SPHKAP: variants seen among roughly 807,000 people sequenced by gnomAD.
SPHKAP encodes SPHK1 interactor, AKAP domain containing, also known as A-kinase anchor protein SPHKAP.
Under a neutral mutation model 137.5 loss-of-function variants are expected in SPHKAP, and 67 were observed. The observed-to-expected ratio is 0.49, with a 90% CI of 0.40 to 0.60. The LOEUF (loss-of-function observed/expected upper bound fraction) is 0.60. Ranked by LOEUF, SPHKAP falls within the 20% of genes least tolerant of loss-of-function variation. The pLI, the probability that SPHKAP is intolerant of heterozygous loss-of-function variation, is 0.00. For missense variants in SPHKAP, 2,097 were observed against 2,069.3 expected (o/e 1.01, Z -0.26); for synonymous variants, 813 against 785.3 (o/e 1.04, Z -0.59).
At chr2:228,029,927 T>C (rs1426601303) in intron 3 of SPHKAP, among the ~76,000 whole-genome samples, 1 of 152,084 alleles carries the variant, frequency 6.6e-6, no homozygotes, top group Non-Finnish European at 1.5e-5. Flanking sequence ...AAAGCAGAGA[T>C]CAGAGAGCAA....
chr2:228,018,061 T>C lies in SPHKAP; in HGVS notation c.2793A>G (p.Glu931=). ...TGGAGACGACCGTGTCTGCTAATTCTTCCGCAAAGTCTGTAATGCAGTAGA... is the reference window on the plus strand; with the variant it reads ...TGGAGACGACCGTGTCTGCTAATTCCTCCGCAAAGTCTGTAATGCAGTAGA... ...PDIYCITDFA[E]ELADTVVSMA... is the part of the protein sequence containing the mutation. The change falls in exon 7 of 12, where the codon GAA becomes GAG. Residue 931 remains glutamate (E), a synonymous_variant. Transcript: ENST00000392056. 6.2e-7 allele frequency: 1 copy of C among 1,614,202 alleles called. No homozygotes were observed. Among genetic ancestry groups the C allele is most frequent in the Non-Finnish European group, 8.5e-7 (1 of 1,180,034 alleles).
chr2:228,023,754 T>C (rs1694926124), intron 5 of SPHKAP, among the ~76,000 whole-genome samples: 1 of 152,106 alleles, frequency 6.6e-6, no homozygotes, highest in Admixed American at 6.5e-5. Context: ...TATCAGTGAG[T>C]CAACCTCAGC....
chr2:228,079,133 T>TGAAACTG (rs1697278777), intron 3 of SPHKAP, among the ~76,000 whole-genome samples: 2 of 151,900 alleles, frequency 1.3e-5, no homozygotes, highest in African/African-American at 2.4e-5. Flanking sequence ...TGGGAAATGG[T>TGAAACTG]TTCAGGATGA....
At chr2:228,098,447 T>TTCA (rs1698070039) in intron 3 of SPHKAP, among the ~76,000 whole-genome samples, 1 of 152,088 alleles carries the variant, frequency 6.6e-6, no homozygotes. Context: ...AAATGATGAG[T>TTCA]TCATGTCCTT....
intron 2 of SPHKAP, among the ~76,000 whole-genome samples, chr2:228,110,527 C>A (rs1367789032): frequency 6.6e-6 from 1 of 152,166 alleles, no homozygotes; most frequent in Non-Finnish European, 1.5e-5. Flanking sequence ...AAATATTTTA[C>A]CTAAACTGGT....
rs1474826715 is a variant in SPHKAP, at chr2:228,109,040, T to G, written c.139-101A>C. 7.8e-6 allele frequency: 6 copies of G among 768,870 alleles called. No individual in the cohort carries two copies. The South Asian group carries it at 1.4e-4, about 18-fold the overall frequency. 47.6% of individuals were successfully genotyped at this position (768,870 alleles called of 1,614,324 possible). A position where few individuals can be genotyped will look rare whatever the true frequency, so the allele number is the denominator to read the frequency against. On this transcript the variant is annotated intron_variant, in intron 2 of 11. Transcript: ENST00000392056. ...TTTTTCTTATAAAAAAACCTGTAGG[T>G]GTTTTCTTTTCCTCAGAGCTTCTGG... is the stretch of plus-strand genomic sequence containing the variant.
At chr2:228,049,660 C>T (rs1219111784) in intron 3 of SPHKAP, among the ~76,000 whole-genome samples, 1 of 152,180 alleles carries the variant, frequency 6.6e-6, no homozygotes, top group Non-Finnish European at 1.5e-5. Context: ...CACCTCTCTT[C>T]CTGCTCTAGC....
chr2:228,073,496 A>T (rs1559158911), intron 3 of SPHKAP, among the ~76,000 whole-genome samples: 1 of 152,208 alleles, frequency 6.6e-6, no homozygotes, highest in Non-Finnish European at 1.5e-5. Context: ...ATTCTGCCAG[A>T]AGTATTAAGT....
intron 2 of SPHKAP, among the ~76,000 whole-genome samples, chr2:228,116,905 A>G (rs1376201255): frequency 2.0e-5 from 3 of 152,130 alleles, no homozygotes; most frequent in South Asian, 2.1e-4. Context: ...CAGCTCTACC[A>G]TATAGCCTTT....
chr2:228,113,565 TTTCAGC>T lies in SPHKAP; in HGVS notation c.139-4632_139-4627del, dbSNP rs1257311752. Reference sequence around the variant, plus strand: ...CCATTGAAATTATATAGCTTCTCATTTTCAGCTTCTACCAAATCCCAGTCTATGCAT... The same window carrying T: ...CCATTGAAATTATATAGCTTCTCATTTTCTACCAAATCCCAGTCTATGCAT... On this transcript the variant is annotated intron_variant, in intron 2 of 11. Coordinates refer to ENST00000392056, the MANE Select transcript of SPHKAP (RefSeq NM_001142644.2). 2.0e-5 allele frequency among the ~76,000 whole-genome samples: 3 copies of T among 150,336 alleles called. No individual in the cohort carries two copies. In the Admixed American group the frequency reaches 2.0e-4, roughly 10 times the overall value.
chr2:228,012,543 T>G (rs1694428996), intron 7 of SPHKAP, among the ~76,000 whole-genome samples: 1 of 152,232 alleles, frequency 6.6e-6, no homozygotes, highest in African/African-American at 2.4e-5. Context: ...TTTTTTATTT[T>G]TTCTCATCAC....
intron 3 of SPHKAP, among the ~76,000 whole-genome samples, chr2:228,030,513 C>CAAAAAAAAAAAAAAAAAAAAAACAAAAAA (rs11287311): frequency 1.6e-4 from 8 of 48,762 alleles, no homozygotes; most frequent in Non-Finnish European, 2.4e-4. Flanking sequence ...GATACCATCT[C>CAAAAAAAAAAAAAAAAAAAAAACAAAAAA]AAAAAAAAAA....
At chr2:228,027,814 A>G (rs1695106618) in intron 3 of SPHKAP, among the ~76,000 whole-genome samples, 1 of 151,944 alleles carries the variant, frequency 6.6e-6, no homozygotes. Flanking sequence ...AAAAATACAA[A>G]AATTAGCTGG....
intron 1 of SPHKAP, among the ~76,000 whole-genome samples, chr2:228,170,816 C>T (rs943163533): frequency 6.6e-6 from 1 of 152,056 alleles, no homozygotes; most frequent in Non-Finnish European, 1.5e-5. Flanking sequence ...TACCATATCG[C>T]TGGGGTATAT....
intron 3 of SPHKAP, among the ~76,000 whole-genome samples, chr2:228,099,881 G>C (rs142569540): frequency 2.7e-5 from 4 of 150,436 alleles, no homozygotes. Context: ...ATGGAATCTC[G>C]CTCTGTGGCC....
chr2:228,126,504 G>A (rs911418795), intron 2 of SPHKAP, among the ~76,000 whole-genome samples: 1 of 152,162 alleles, frequency 6.6e-6, no homozygotes, highest in East Asian at 1.9e-4. Context: ...TAAAACCTCA[G>A]TGTGAATTTA....
At chr2:227,987,612 G>A (rs900870822) in intron 11 of SPHKAP, among the ~76,000 whole-genome samples, 8 of 152,138 alleles carry the variant, frequency 5.3e-5, no homozygotes, top group Non-Finnish European at 8.8e-5. Flanking sequence ...CATTTGTCAC[G>A]AGAGGAGTAT....
chr2:228,149,456 A>G (rs1699866693), intron 1 of SPHKAP, among the ~76,000 whole-genome samples: 1 of 152,228 alleles, frequency 6.6e-6, no homozygotes, highest in Non-Finnish European at 1.5e-5. Context: ...AGAATTCAAT[A>G]CGATTTTACT....
At position 228,100,631 on chromosome 2, in the gene SPHKAP, T is replaced by C. The variant is rs1232138892; in HGVS notation, c.246+8201A>G. Among the ~76,000 whole-genome samples, 3 of 152,214 alleles carry C rather than the reference T, an allele frequency of 2.0e-5. No individual in the cohort carries two copies. In the East Asian group the frequency reaches 5.8e-4, roughly 29 times the overall value. ...GGTTTTCTTTTTAATTCTGTTTATG[T>C]GGTGAATCACATTAATTGATTTGTA... On this transcript the variant is annotated intron_variant, in intron 3 of 11. Transcript: ENST00000392056.
Sources: gnomAD v4.1 joint callset for allele counts (sites outside exome capture counted in the v4.1 genomes callset) on GRCh38, gnomAD v4.1.1 for gene constraint, MANE v1.5 for transcripts, NCBI Gene and HGNC (gene_info 2026-07-23, HGNC 2026-07-21) for gene names.